The following PRKCB variants were observed in gnomAD, a reference collection of about 807,000 sequenced individuals.
PRKCB encodes the protein protein kinase C beta.
In PRKCB, 13 loss-of-function variants were observed where a neutral mutation model predicts 81.5. That is an observed-to-expected ratio of 0.16 (90% CI 0.10 to 0.25). The LOEUF (loss-of-function observed/expected upper bound fraction) is 0.25, where lower values mean the gene tolerates loss of function less well. Ranked by LOEUF, PRKCB falls within the 10% of genes least tolerant of loss-of-function variation. PRKCB has a pLI of 1.00. For synonymous variants in PRKCB, 335 were observed against 321.4 expected (o/e 1.04, Z -0.45); for missense variants, 509 against 875.7 (o/e 0.58, Z 5.29).
chr16:24,036,166 A>C (rs1965615523), intron 5 of PRKCB, among the ~76,000 whole-genome samples: 1 of 151,712 alleles, frequency 6.6e-6, no homozygotes, highest in Non-Finnish European at 1.5e-5. Context: ...ATTAGAAAGC[A>C]GGATGGTACA....
intron 5 of PRKCB, among the ~76,000 whole-genome samples, chr16:24,063,689 G>A (rs552742904): frequency 1.2e-3 from 176 of 152,276 alleles, no homozygotes; most frequent in African/African-American, 4.2e-3. Context: ...CATGATGATA[G>A]AGGAGTGAGT....
intron 2 of PRKCB, among the ~76,000 whole-genome samples, chr16:23,977,509 T>C (rs995938475): frequency 1.3e-5 from 2 of 152,110 alleles, no homozygotes; most frequent in Non-Finnish European, 2.9e-5. Flanking sequence ...TGTAGAATTG[T>C]ATATGGGCAA....
intron 3 of PRKCB, among the ~76,000 whole-genome samples, chr16:24,006,154 C>T (rs1012932804): frequency 6.6e-6 from 1 of 152,222 alleles, no homozygotes; most frequent in Non-Finnish European, 1.5e-5. Context: ...ATCCTGTTCA[C>T]ATAACACTGC....
chr16:23,954,012 G>A (rs1484531151), intron 2 of PRKCB, among the ~76,000 whole-genome samples: 1 of 151,808 alleles, frequency 6.6e-6, no homozygotes, highest in African/African-American at 2.4e-5. Flanking sequence ...GAGATTACAG[G>A]CACCCACCAC....
intron 10 of PRKCB, among the ~76,000 whole-genome samples, chr16:24,171,350 T>C (rs920038050): frequency 2.6e-5 from 4 of 152,324 alleles, no homozygotes; most frequent in African/African-American, 9.6e-5. Context: ...TTGAGCATCC[T>C]CATGGCATGG....
chr16:23,880,767 T>C (rs887886420), intron 2 of PRKCB, among the ~76,000 whole-genome samples: 1 of 152,148 alleles, frequency 6.6e-6, no homozygotes, highest in Non-Finnish European at 1.5e-5. Flanking sequence ...TACAACAAGA[T>C]GCAGAGAAAG....
chr16:23,976,303 A>C (rs557772083), intron 2 of PRKCB, among the ~76,000 whole-genome samples: 6 of 152,038 alleles, frequency 3.9e-5, no homozygotes, highest in Non-Finnish European at 8.8e-5. Flanking sequence ...GTCTCAAAAA[A>C]ACCCACAAAA....
rs558188066 is a variant in PRKCB at position 24,136,898 on chromosome 16, G to A, written c.1065+12917G>A. On this transcript the variant is annotated intron_variant, in intron 9 of 16. Coordinates refer to ENST00000643927, the MANE Select transcript of PRKCB (RefSeq NM_002738.7). Reference sequence around the variant, plus strand: ...ATTTTGTTTATTTATTTATTTTTGAGATGGAGTCTCACTCTGTCGCCCAGG... The same window carrying A: ...ATTTTGTTTATTTATTTATTTTTGAAATGGAGTCTCACTCTGTCGCCCAGG... Among the ~76,000 whole-genome samples, 4 of 152,036 alleles carry A rather than the reference G, an allele frequency of 2.6e-5. No homozygotes were observed. The South Asian group carries it at 8.3e-4, about 32-fold the overall frequency.
intron 2 of PRKCB, among the ~76,000 whole-genome samples, chr16:23,977,399 C>T (rs1378337835): frequency 2.0e-5 from 3 of 152,170 alleles, no homozygotes; most frequent in Non-Finnish European, 2.9e-5. Context: ...CCTCTCCTCA[C>T]AGCCCCATTA....
intron 3 of PRKCB, among the ~76,000 whole-genome samples, chr16:24,021,914 G>T (rs1046352748): frequency 6.6e-6 from 1 of 152,156 alleles, no homozygotes; most frequent in African/African-American, 2.4e-5. Context: ...AGTCACATTC[G>T]ACGGTTATTT....
At chr16:23,948,729 C>T (rs1366864790) in intron 2 of PRKCB, among the ~76,000 whole-genome samples, 1 of 152,164 alleles carries the variant, frequency 6.6e-6, no homozygotes, top group Non-Finnish European at 1.5e-5. Flanking sequence ...TCACAGTAAC[C>T]TAGTGAGGTA....
At chr16:24,164,504 C>T (rs866452881) in intron 10 of PRKCB, among the ~76,000 whole-genome samples, 1 of 152,098 alleles carries the variant, frequency 6.6e-6, no homozygotes, top group African/African-American at 2.4e-5. Context: ...TTTGAAGAAG[C>T]CCTTTAAAGT....
At chr16:24,172,900 C>G (rs2141966587) in intron 11 of PRKCB, among the ~76,000 whole-genome samples, 1 of 152,236 alleles carries the variant, frequency 6.6e-6, no homozygotes, top group South Asian at 2.1e-4. Context: ...AAGCCAGGCC[C>G]TAAGTGCTTA....
chr16:24,139,821 G>A (rs572445552), intron 9 of PRKCB, among the ~76,000 whole-genome samples: 1 of 152,172 alleles, frequency 6.6e-6, no homozygotes, highest in African/African-American at 2.4e-5. Context: ...TGTATCATCC[G>A]AGTTGATCTA....
intron 5 of PRKCB, among the ~76,000 whole-genome samples, chr16:24,042,370 T>C (rs11074601): frequency 0.55 from 83,239 of 151,992 alleles, 22,951 homozygotes; most frequent in South Asian, 0.69. Flanking sequence ...GGTTACTTCT[T>C]CAGGTCACAC....
At chr16:24,102,017 A>G (rs1596548068) in intron 7 of PRKCB, among the ~76,000 whole-genome samples, 2 of 152,200 alleles carry the variant, frequency 1.3e-5, no homozygotes, top group African/African-American at 4.8e-5. Context: ...CCAGATTTCT[A>G]TGATGCCAGA....
intron 2 of PRKCB, among the ~76,000 whole-genome samples, chr16:23,853,965 G>C (rs1255461055): frequency 1.3e-5 from 2 of 149,970 alleles, no homozygotes; most frequent in Non-Finnish European, 3.0e-5. Flanking sequence ...GCAAAGGAAG[G>C]TCAAGGCACT....
At chr16:23,993,708 A>G (rs1358711675) in intron 3 of PRKCB, among the ~76,000 whole-genome samples, 2 of 152,232 alleles carry the variant, frequency 1.3e-5, no homozygotes, top group African/African-American at 4.8e-5. Flanking sequence ...CTGGAGTATC[A>G]GGGGCCATTT....
intron 8 of PRKCB, among the ~76,000 whole-genome samples, chr16:24,118,865 A>G (rs1354421052): frequency 6.6e-6 from 1 of 152,074 alleles, no homozygotes; most frequent in Non-Finnish European, 1.5e-5. Context: ...GAACAATGGG[A>G]TATTTCAAAG....
Sources: allele counts gnomAD v4.1 joint callset (sites outside exome capture counted in the v4.1 genomes callset), GRCh38; gene constraint gnomAD v4.1.1; transcripts MANE v1.5; gene names NCBI Gene and HGNC (gene_info 2026-07-23, HGNC 2026-07-21).